Variants in ACER3 observed in about 807,000 individuals in gnomAD.
The protein encoded by ACER3 is alkCDase 3.
A neutral mutation model predicts 48.9 loss-of-function variants in ACER3; 16 were observed. That is an observed-to-expected ratio of 0.33 (90% CI 0.22 to 0.50). ACER3 has a LOEUF of 0.50. Ranked by LOEUF, ACER3 falls within the 20% of genes least tolerant of loss-of-function variation. The pLI is 0.98. For synonymous variants in ACER3, 109 were observed against 107.8 expected (o/e 1.01, Z -0.07); for missense variants, 227 against 326.0 (o/e 0.70, Z 2.34).
intron 1 of ACER3, among the ~76,000 whole-genome samples, chr11:76,885,735 G>A (rs1226403412): frequency 1.3e-5 from 2 of 152,134 alleles, no homozygotes; most frequent in African/African-American, 4.8e-5. Context: ...TAGTAGCCTA[G>A]CATGTAAGAG....
chr11:76,964,501 G>A (rs1412735392), intron 3 of ACER3, among the ~76,000 whole-genome samples: 2 of 151,292 alleles, frequency 1.3e-5, no homozygotes, highest in East Asian at 1.9e-4. Flanking sequence ...ATCTGAGAAC[G>A]GGCAGACTGC....
chr11:76,898,718 A>C (rs1331585720), intron 1 of ACER3, among the ~76,000 whole-genome samples: 3 of 147,908 alleles, frequency 2.0e-5, no homozygotes, highest in Non-Finnish European at 4.5e-5. Flanking sequence ...TCCCGGCTAA[A>C]ACGGTGAAAC....
chr11:76,988,969 T>C (rs1276975558), intron 5 of ACER3, among the ~76,000 whole-genome samples: 5 of 152,196 alleles, frequency 3.3e-5, no homozygotes, highest in Admixed American at 6.5e-5. Flanking sequence ...AATAATAGTA[T>C]ATATTTTATG....
rs1949471384 is a variant in ACER3, at chr11:77,021,481, C to T, written c.*1154C>T. ...TTCTAATTTGCATTTGAATGTATAACAAATTGCATCACTTTTCACAAACTT... is the reference window on the plus strand; with the variant it reads ...TTCTAATTTGCATTTGAATGTATAATAAATTGCATCACTTTTCACAAACTT... On this transcript the variant is annotated 3_prime_UTR_variant, in exon 11 of 11. Transcript: ENST00000532485. 1 of 152,174 alleles carries T rather than the reference C, an allele frequency of 6.6e-6. No individual in the cohort carries two copies. The highest frequency in any genetic ancestry group is 1.5e-5 in the Non-Finnish European group (1 of 68,028). The allele number at this position is 152,174 out of a possible 1,614,324, so 9.4% of individuals were successfully genotyped here.
At position 77,020,315 on chromosome 11, in the gene ACER3, C is replaced by G; in HGVS notation, c.792C>G (p.Leu264=). ...GIWPVILFEP[L]RKH is the part of the protein sequence containing the mutation. Reference sequence around the variant, plus strand: ...GGCCAGTGATCCTGTTTGAGCCTCTCAGGAAGCATTGATGAATCATTCCAC... The same window carrying G: ...GGCCAGTGATCCTGTTTGAGCCTCTGAGGAAGCATTGATGAATCATTCCAC... Residue 264 remains leucine (L), a synonymous_variant, in exon 11 of 11, where the codon CTC becomes CTG. Transcript: ENST00000532485. 1.4e-5 allele frequency: 22 copies of G among 1,613,682 alleles called. No homozygotes were observed. The highest frequency in any genetic ancestry group is 1.9e-5 in the Non-Finnish European group (22 of 1,179,934).
chr11:76,985,118 C>T (rs1174413748), intron 4 of ACER3, among the ~76,000 whole-genome samples: 1 of 152,128 alleles, frequency 6.6e-6, no homozygotes, highest in Non-Finnish European at 1.5e-5. Flanking sequence ...ACCTTGAGTC[C>T]ATATGACTTT....
chr11:76,941,229 G>A (rs907540763), intron 2 of ACER3, among the ~76,000 whole-genome samples: 1 of 152,096 alleles, frequency 6.6e-6, no homozygotes, highest in Non-Finnish European at 1.5e-5. Context: ...TTAGTTGTTG[G>A]TGTTGAAAGA....
At chr11:76,882,116 T>C (rs1416739918) in intron 1 of ACER3, among the ~76,000 whole-genome samples, 2 of 151,424 alleles carry the variant, frequency 1.3e-5, no homozygotes, top group Non-Finnish European at 2.9e-5. Context: ...GCCATTCTCC[T>C]GCCTCAGCCT....
intron 7 of ACER3, among the ~76,000 whole-genome samples, chr11:77,004,240 G>C (rs1555020433): frequency 6.6e-6 from 1 of 152,134 alleles, no homozygotes; most frequent in African/African-American, 2.4e-5. Context: ...ATAAAAATAG[G>C]TGTTTCCTAT....
At chr11:76,973,340 C>T (rs1225167863) in intron 3 of ACER3, among the ~76,000 whole-genome samples, 1 of 152,180 alleles carries the variant, frequency 6.6e-6, no homozygotes. Flanking sequence ...TGTGGTGTCA[C>T]TGCTTCAGCC....
At chr11:76,953,388 C>A (rs778030145) in intron 2 of ACER3, among the ~76,000 whole-genome samples, 33 of 152,050 alleles carry the variant, frequency 2.2e-4, no homozygotes, top group Non-Finnish European at 1.6e-4. Context: ...TACTTGAGGT[C>A]AGGAGTTGAG....
intron 2 of ACER3, among the ~76,000 whole-genome samples, chr11:76,953,987 G>A (rs991248821): frequency 5.0e-5 from 7 of 138,678 alleles, no homozygotes; most frequent in East Asian, 2.1e-4. Flanking sequence ...CACTCTTGTC[G>A]CCCAGGCTAG....
intron 1 of ACER3, among the ~76,000 whole-genome samples, chr11:76,916,533 GT>G (rs58819815): frequency 0.59 from 90,129 of 152,000 alleles, 28,936 homozygotes; most frequent in Non-Finnish European, 0.73. Context: ...GGTTAAAACG[GT>G]TAAGTGCTGT....
intron 1 of ACER3, among the ~76,000 whole-genome samples, chr11:76,902,097 C>G (rs1442831128): frequency 1.3e-5 from 2 of 151,810 alleles, no homozygotes; most frequent in African/African-American, 4.8e-5. Flanking sequence ...AAAACCTGTT[C>G]AGGCAGATAT....
At chr11:76,957,154 C>T (rs1947861366) in intron 2 of ACER3, among the ~76,000 whole-genome samples, 1 of 152,156 alleles carries the variant, frequency 6.6e-6, no homozygotes, top group African/African-American at 2.4e-5. Flanking sequence ...ATCTGCCTGT[C>T]TCTTCCATTA....
chr11:76,924,422 T>C (rs1332084339), intron 1 of ACER3, among the ~76,000 whole-genome samples: 2 of 152,156 alleles, frequency 1.3e-5, no homozygotes, highest in East Asian at 3.8e-4. Context: ...CAGGCTGCTC[T>C]AGAACTCCTG....
At chr11:76,875,169 A>C (rs1328701251) in intron 1 of ACER3, among the ~76,000 whole-genome samples, 2 of 125,110 alleles carry the variant, frequency 1.6e-5, no homozygotes, top group Admixed American at 2.1e-4. Context: ...GCTGGAGTGC[A>C]GTGGTGAGAT....
chr11:76,972,360 G>A (rs1448515999), intron 3 of ACER3, among the ~76,000 whole-genome samples: 1 of 152,120 alleles, frequency 6.6e-6, no homozygotes. Context: ...ATCTTTTCAT[G>A]TGCTTATTGA....
chr11:77,019,533 C>T (rs1476198989), intron 9 of ACER3, 198 bp from the exon 10 acceptor site: 2 of 591,484 alleles, frequency 3.4e-6, no homozygotes, highest in Admixed American at 2.9e-5. Flanking sequence ...GATTACAGCA[C>T]ATCCATTTAC....
Sources: allele counts gnomAD v4.1 joint callset (sites outside exome capture counted in the v4.1 genomes callset), GRCh38; gene constraint gnomAD v4.1.1; transcripts MANE v1.5; gene names NCBI Gene and HGNC (gene_info 2026-07-23, HGNC 2026-07-21).